Variants in CUL2 observed in about 807,000 individuals in gnomAD.
CUL2 encodes cullin-2.
A neutral mutation model predicts 110.2 loss-of-function variants in CUL2; 22 were observed. The ratio of observed to expected loss-of-function variants is 0.20; its 90% CI spans 0.14 to 0.28. CUL2 has a LOEUF of 0.28. Ranked by LOEUF, CUL2 falls within the 10% of genes least tolerant of loss-of-function variation. CUL2 has a pLI of 1.00. For missense variants in CUL2, 631 were observed against 905.5 expected (o/e 0.70, Z 3.89); for synonymous variants, 279 against 293.2 (o/e 0.95, Z 0.49).
intron 2 of CUL2, among the ~76,000 whole-genome samples, chr10:35,068,893 G>A (rs992847318): frequency 9.2e-5 from 14 of 152,062 alleles, no homozygotes; most frequent in African/African-American, 3.4e-4. Flanking sequence ...TTGAAACGGA[G>A]CCTTGCTCTT....
At chr10:35,044,069 A>C (rs982553660) in intron 8 of CUL2, among the ~76,000 whole-genome samples, 88 of 140,372 alleles carry the variant, frequency 6.3e-4, no homozygotes, top group East Asian at 2.2e-3. Context: ...AAAAAAAAAA[A>C]AAAAAACACC....
chr10:35,102,977 A>G (rs553648427), intron 1 of CUL2, among the ~76,000 whole-genome samples: 1 of 152,274 alleles, frequency 6.6e-6, no homozygotes, highest in East Asian at 1.9e-4. Flanking sequence ...AAGTTGAACA[A>G]TGCTGCCTGT....
chr10:35,105,926 T>C (rs931606665), intron 1 of CUL2, among the ~76,000 whole-genome samples: 3 of 151,394 alleles, frequency 2.0e-5, no homozygotes, highest in African/African-American at 7.3e-5. Context: ...TACACATAGA[T>C]AGCTAGGAAG....
intron 5 of CUL2, among the ~76,000 whole-genome samples, chr10:35,050,571 T>C (rs1444175163): frequency 6.6e-6 from 1 of 152,186 alleles, no homozygotes; most frequent in East Asian, 1.9e-4. Context: ...ATCATTACCA[T>C]TGTCCCAGAT....
intron 1 of CUL2, among the ~76,000 whole-genome samples, chr10:35,085,891 C>T (rs558335732): frequency 5.3e-5 from 8 of 152,186 alleles, no homozygotes; most frequent in African/African-American, 1.7e-4. Flanking sequence ...GGTTGAAAAA[C>T]GGTTGGGTAC....
At chr10:35,100,637 C>T (rs1196688118) in intron 2 of CUL2, among the ~76,000 whole-genome samples, 3 of 151,366 alleles carry the variant, frequency 2.0e-5, no homozygotes, top group Admixed American at 1.3e-4. Flanking sequence ...TGGTGCATAC[C>T]TGTAATCCCA....
At chr10:35,095,348 A>C (rs914747981), upstream of CUL2, among the ~76,000 whole-genome samples, 1 of 149,894 alleles carries the variant, frequency 6.7e-6, no homozygotes, top group South Asian at 2.1e-4. Context: ...GAAAGAAAGA[A>C]ATACATGCTT....
chr10:35,058,435 C>T (rs909601423), intron 4 of CUL2, among the ~76,000 whole-genome samples: 6 of 152,180 alleles, frequency 3.9e-5, no homozygotes, highest in Non-Finnish European at 7.3e-5. Flanking sequence ...AGCCTCGAAA[C>T]CATTAAAATG....
chr10:35,068,329 T>C (rs1487364406), intron 2 of CUL2, among the ~76,000 whole-genome samples: 1 of 151,924 alleles, frequency 6.6e-6, no homozygotes, highest in Non-Finnish European at 1.5e-5. Context: ...GGCTGAGGTA[T>C]GAGAATCACT....
intron 2 of CUL2, 123 bp downstream of exon 2, chr10:35,071,076 T>C: frequency 2.2e-6 from 2 of 895,966 alleles, no homozygotes; most frequent in Non-Finnish European, 1.7e-6. Flanking sequence ...CTTGGAAATG[T>C]AGATGATAAT....
upstream of CUL2, among the ~76,000 whole-genome samples, chr10:35,095,322 CAA>C (rs528275472): frequency 6.9e-4 from 71 of 102,864 alleles, no homozygotes; most frequent in African/African-American, 1.6e-3. Flanking sequence ...GACTCCATCT[CAA>C]AAAAAAAAAA....
chr10:35,124,168 C>T (rs939280254), intron 1 of CUL2, among the ~76,000 whole-genome samples: 2 of 152,044 alleles, frequency 1.3e-5, no homozygotes, highest in Non-Finnish European at 2.9e-5. Context: ...GGTGACAGAG[C>T]GAGACTCTGC....
chr10:35,110,178 C>G (rs200610448), intron 1 of CUL2, among the ~76,000 whole-genome samples: 1 of 152,120 alleles, frequency 6.6e-6, no homozygotes, highest in Non-Finnish European at 1.5e-5. Context: ...AACAAAACAA[C>G]AAATGAAATA....
At chr10:35,116,842 AGCTACCCGGGAGGCTGAGGTG>A (rs1164850609) in intron 1 of CUL2, among the ~76,000 whole-genome samples, 3 of 152,076 alleles carry the variant, frequency 2.0e-5, no homozygotes, top group Non-Finnish European at 2.9e-5. Context: ...CTGTAGTCCC[AGCTACCCGGGAGGCTGAGGTG>A]GGAGAATCGC....
chr10:35,066,727 A>T (rs2505635), intron 2 of CUL2, among the ~76,000 whole-genome samples: 152,132 of 152,374 alleles, frequency 1, 75,945 homozygotes, highest in Middle Eastern at 1. Flanking sequence ...TGAATCAATG[A>T]GAACAAATAT....
At chr10:35,055,459 G>T (rs1226304662) in intron 4 of CUL2, among the ~76,000 whole-genome samples, 1 of 152,192 alleles carries the variant, frequency 6.6e-6, no homozygotes, top group Non-Finnish European at 1.5e-5. Context: ...CTGGCCAGGC[G>T]TCGGGGCTCA....
chr10:35,118,220 T>C (rs376459009), intron 1 of CUL2: 3 of 152,324 alleles, frequency 2.0e-5, no homozygotes, highest in South Asian at 2.1e-4. Context: ...TCTCTGAAGC[T>C]AGAAATCCCA....
chr10:35,096,694 A>G (rs986475276), intron 2 of CUL2, among the ~76,000 whole-genome samples: 3 of 152,216 alleles, frequency 2.0e-5, no homozygotes, highest in Admixed American at 6.5e-5. Context: ...ATCTGCTTCC[A>G]TAAGAGTATT....
intron 5 of CUL2, among the ~76,000 whole-genome samples, chr10:35,050,495 G>T (rs1433747473): frequency 6.6e-6 from 1 of 152,084 alleles, no homozygotes; most frequent in Non-Finnish European, 1.5e-5. Flanking sequence ...CATAAAAAGA[G>T]CAAGTCGGTT....
Sources: gnomAD v4.1 joint callset for allele counts (sites outside exome capture counted in the v4.1 genomes callset) on GRCh38, gnomAD v4.1.1 for gene constraint, MANE v1.5 for transcripts, NCBI Gene and HGNC (gene_info 2026-07-23, HGNC 2026-07-21) for gene names.